Variants in HADHA observed in about 807,000 individuals in gnomAD.
HADHA encodes the protein trifunctional enzyme subunit alpha, mitochondrial.
In HADHA, 59 loss-of-function variants were observed where a neutral mutation model predicts 91.3. That is an observed-to-expected ratio of 0.65 (90% CI 0.52 to 0.80). The LOEUF (loss-of-function observed/expected upper bound fraction) is 0.80, where lower values mean the gene tolerates loss of function less well. Ranked by LOEUF, HADHA falls within the 30% of genes least tolerant of loss-of-function variation. The pLI is 0.00. For synonymous variants in HADHA, 320 were observed against 338.9 expected, an observed-to-expected ratio of 0.94 and a Z score of 0.61; for missense variants, 800 against 927.6, an observed-to-expected ratio of 0.86 and a Z score of 1.79.
chr2:26,213,075 TACTC>T (rs751880973), intron 9 of HADHA, among the ~76,000 whole-genome samples: 7 of 152,350 alleles, frequency 4.6e-5, no homozygotes, highest in South Asian at 2.1e-4. Context: ...ACCCTGTACT[TACTC>T]ACTATCATAA....
At chr2:26,217,851 G>A (rs1670277692) in intron 7 of HADHA, among the ~76,000 whole-genome samples, 1 of 152,092 alleles carries the variant, frequency 6.6e-6, no homozygotes, top group Non-Finnish European at 1.5e-5. Context: ...GGGCTTCAGT[G>A]AGTTATGATC....
At chr2:26,216,428 C>A (rs1323122642) in intron 7 of HADHA, among the ~76,000 whole-genome samples, 1 of 144,382 alleles carries the variant, frequency 6.9e-6, no homozygotes, top group Non-Finnish European at 1.5e-5. Flanking sequence ...TCAAGCGATT[C>A]TCCTGCCTCA....
intron 4 of HADHA, among the ~76,000 whole-genome samples, chr2:26,234,615 A>C (rs1267323602): frequency 1.3e-5 from 2 of 152,056 alleles, no homozygotes; most frequent in Non-Finnish European, 2.9e-5. Context: ...AAATACAAAA[A>C]ATTAGCTGGG....
At chr2:26,237,054 C>A in intron 3 of HADHA, 66 bp from the exon 4 acceptor site, 1 of 1,079,468 alleles carries the variant, frequency 9.3e-7, no homozygotes, top group Admixed American at 1.7e-5. Context: ...GTACCACCAT[C>A]AAATGCTATT....
At chr2:26,197,994 T>C (rs1669724673) in intron 13 of HADHA, among the ~76,000 whole-genome samples, 1 of 152,202 alleles carries the variant, frequency 6.6e-6, no homozygotes, top group East Asian at 1.9e-4. Context: ...TGCCTTCCTC[T>C]AGTTATGGCC....
chr2:26,216,094 C>G (rs1670213022), intron 7 of HADHA, among the ~76,000 whole-genome samples: 1 of 152,082 alleles, frequency 6.6e-6, no homozygotes, highest in East Asian at 1.9e-4. Context: ...ATAGTGAGAC[C>G]CCACCTCTAT....
At chr2:26,234,583 G>A (rs769887567) in intron 4 of HADHA, among the ~76,000 whole-genome samples, 1 of 151,976 alleles carries the variant, frequency 6.6e-6, no homozygotes, top group African/African-American at 2.4e-5. Flanking sequence ...CGGCTAACAC[G>A]GTGAAACCCC....
At chr2:26,241,463 TACA>T (rs1206962318) in intron 1 of HADHA, among the ~76,000 whole-genome samples, 4 of 136,758 alleles carry the variant, frequency 2.9e-5, no homozygotes, top group East Asian at 2.1e-4. Context: ...CTACTAAAAA[TACA>T]ACAACAACAA....
chr2:26,199,231 G>A (rs1234250670), intron 13 of HADHA: 1 of 152,288 alleles, frequency 6.6e-6, no homozygotes, highest in Non-Finnish European at 1.5e-5. Flanking sequence ...AGCCAGGCAT[G>A]GTGGTACATA....
Position 26,204,265 on chromosome 2 carries a change from C to A in HADHA, c.1086-69G>T, listed in dbSNP as rs998658096. 9.1e-6 allele frequency: 13 copies of A among 1,434,130 alleles called. No individual in the cohort carries two copies. In the African/African-American group the frequency reaches 1.7e-4, roughly 18 times the overall value. 88.8% of individuals were successfully genotyped at this position (1,434,130 alleles called of 1,614,324 possible). The stretch of plus-strand genomic sequence containing the variant: ...TCATTTCAGTCAAAGTGGAAGATTG[C>A]CTAAGTTATTCAATAAACCAACTAA... On this transcript the variant is annotated intron_variant, in intron 11 of 19. Coordinates refer to ENST00000380649, the MANE Select transcript of HADHA (RefSeq NM_000182.5).
rs1234408236 is a variant in HADHA, at chr2:26,210,850, A to AAGAAC, written c.976-962_976-961insGTTCT. ...GGAAAAACAATACCCATTTTACAGTATTGTTCTGGGGGATTAAATGAGAAC... is the reference window on the plus strand; with the variant it reads ...GGAAAAACAATACCCATTTTACAGTAAGAACTTGTTCTGGGGGATTAAATGAGAAC... On this transcript the variant is annotated intron_variant, in intron 10 of 19. Transcript: ENST00000380649. This position sits in a 1 kb window ranked among gnomAD's most constrained non-coding sequence, Gnocchi z 4.0. The AAGAAC allele has an allele frequency of 6.6e-6, 1 of 152,214 alleles. No homozygotes were observed. The highest frequency in any genetic ancestry group is 1.5e-5 in the Non-Finnish European group (1 of 68,034). 9.4% of individuals were successfully genotyped at this position (152,214 alleles called of 1,614,324 possible).
At chr2:26,198,364 T>C (rs1459806622) in intron 13 of HADHA, among the ~76,000 whole-genome samples, 3 of 126,448 alleles carry the variant, frequency 2.4e-5, no homozygotes, top group Non-Finnish European at 4.8e-5. Flanking sequence ...TCCCAACTTA[T>C]TCATGTTTTT....
At position 26,195,088 on chromosome 2, in the gene HADHA, T is replaced by C; in HGVS notation, c.1620+4A>G. 1.2e-6 allele frequency: 2 copies of C among 1,611,974 alleles called. No individual in the cohort carries two copies. The highest frequency in any genetic ancestry group is 1.7e-6 in the Non-Finnish European group (2 of 1,178,086). ...CTCTGCAGCTCTGTTATACAGCCCC[T>C]TACCTTAACCACAATGATGACCTTC... On this transcript the variant is annotated splice_donor_region_variant and intron_variant, in intron 15 of 19. Transcript: ENST00000380649.
chr2:26,194,545 A>G, intron 16 of HADHA, 25 bp downstream of exon 16: 1 of 1,481,608 alleles, frequency 6.7e-7, no homozygotes, highest in South Asian at 1.1e-5. Context: ...AAGATGCCGC[A>G]AACACTCTGG....
At chr2:26,215,286 G>C in intron 7 of HADHA, 111 bp from the exon 8 acceptor site, 1 of 908,990 alleles carries the variant, frequency 1.1e-6, no homozygotes, top group Non-Finnish European at 1.8e-6. Context: ...TTCCATTTCA[G>C]ACTGGAGACT....
intron 14 of HADHA, among the ~76,000 whole-genome samples, chr2:26,195,556 A>G (rs535849695): frequency 6.8e-6 from 1 of 146,130 alleles, no homozygotes; most frequent in East Asian, 2.2e-4. Flanking sequence ...CACTTATATT[A>G]ATGATACTGA....
intron 14 of HADHA, among the ~76,000 whole-genome samples, chr2:26,195,840 A>G (rs1055697581): frequency 6.6e-6 from 1 of 152,200 alleles, no homozygotes; most frequent in African/African-American, 2.4e-5. Flanking sequence ...CTACTGAATC[A>G]GAAACTCCAT....
intron 10 of HADHA, chr2:26,212,351 T>C: frequency 1.8e-6 from 1 of 551,610 alleles, no homozygotes; most frequent in Non-Finnish European, 3.3e-6. Context: ...CCTCCCAGAA[T>C]GTTGGGATTA....
At chr2:26,240,113 C>T (rs1402144098) in intron 1 of HADHA, among the ~76,000 whole-genome samples, 1 of 152,230 alleles carries the variant, frequency 6.6e-6, no homozygotes, top group African/African-American at 2.4e-5. Flanking sequence ...CTACAGTGAT[C>T]CTTCCTTTCC....
Sources: gnomAD v4.1 joint callset for allele counts (sites outside exome capture counted in the v4.1 genomes callset) on GRCh38, gnomAD v4.1.1 for gene constraint, Gnocchi (gnomAD v3.1) non-coding constraint, MANE v1.5 for transcripts, NCBI Gene and HGNC (gene_info 2026-07-23, HGNC 2026-07-21) for gene names.